DNMT1: variants seen among roughly 807,000 people sequenced by gnomAD.
DNMT1 encodes DNA methyltransferase 1.
A neutral mutation model predicts 205.3 loss-of-function variants in DNMT1; 24 were observed. That is an observed-to-expected ratio of 0.12 (90% CI 0.08 to 0.16). The LOEUF is 0.16. Ranked by LOEUF, DNMT1 falls within the 10% of genes least tolerant of loss-of-function variation. The pLI, the probability that DNMT1 is intolerant of heterozygous loss-of-function variation, is 1.00. For synonymous variants in DNMT1, 817 were observed against 839.8 expected (o/e 0.97, Z 0.47); for missense variants, 1,293 against 2,177.7 (o/e 0.59, Z 8.09).
chr19:10,141,496 G>A, intron 30 of DNMT1: 1 of 421,490 alleles, frequency 2.4e-6, no homozygotes, highest in Non-Finnish European at 4.4e-6. Context: ...ATCCATGCCT[G>A]GGAGAACGTG....
rs566332317 is a variant in DNMT1, at chr19:10,186,356, C to T, written c.81-4279G>A. The stretch of plus-strand genomic sequence containing the variant: ...GGAGCTGGCGGGAGGGTAACTTTAG[C>T]GACATCCCTTCCCTGGTAAAACTGT... On this transcript the variant is annotated intron_variant, in intron 1 of 40. Coordinates refer to ENST00000359526, the MANE Select transcript of DNMT1 (RefSeq NM_001130823.3). 5.9e-5 allele frequency among the ~76,000 whole-genome samples: 9 copies of T among 152,176 alleles called. No homozygotes were observed. The South Asian group carries it at 1.2e-3, about 21-fold the overall frequency.
chr19:10,178,923 G>A (rs1274327369), intron 5 of DNMT1, among the ~76,000 whole-genome samples: 1 of 151,478 alleles, frequency 6.6e-6, no homozygotes, highest in Admixed American at 6.6e-5. Context: ...TCAGGAGATC[G>A]AAATCATCCT....
chr19:10,179,329 T>C, intron 5 of DNMT1, among the ~76,000 whole-genome samples: 1 of 151,986 alleles, frequency 6.6e-6, no homozygotes, highest in East Asian at 1.9e-4. Context: ...ACATTTTTTT[T>C]TTTTTGAGAC....
rs1057518774 is a variant in DNMT1 at position 10,148,886 on chromosome 19, G to C, written c.2718C>G (p.Phe906Leu). ...PKTQPTEDNK[F>L]KFCVSCARLA... ...CCGAGTCCAGCCCCAGTGCTCACTT[G>C]AACTTGTTGTCCTCTGTTGGCTGGG... The change falls in exon 27 of 41, where the codon TTC (phenylalanine) becomes TTG (leucine). Residue 906 changes from phenylalanine (F) to leucine (L), a missense_variant and splice_region_variant. This residue lies in a region of DNMT1 where 112 missense variants were observed against 116.6 expected (regional missense o/e 0.96). Coordinates refer to ENST00000359526, the MANE Select transcript of DNMT1 (RefSeq NM_001130823.3). The C allele has an allele frequency of 1.2e-6, 2 of 1,614,170 alleles. No homozygotes were observed. The highest frequency in any genetic ancestry group is 1.7e-6 in the Non-Finnish European group (2 of 1,180,016).
At chr19:10,181,942 A>C (rs2039054235) in intron 2 of DNMT1, 99 bp downstream of exon 2, 1 of 1,117,980 alleles carries the variant, frequency 8.9e-7, no homozygotes, top group Admixed American at 2.0e-5. Flanking sequence ...CCATGGGAAA[A>C]AATGCAAAAT....
At chr19:10,161,871 C>T (rs1411086458) in intron 13 of DNMT1, among the ~76,000 whole-genome samples, 1 of 152,138 alleles carries the variant, frequency 6.6e-6, no homozygotes, top group Admixed American at 6.6e-5. Context: ...GAGACAGAGT[C>T]TTGCTGTGTC....
At chr19:10,162,879 A>G (rs2038604241) in intron 12 of DNMT1, 131 bp from the exon 13 acceptor site, 11 of 956,584 alleles carry the variant, frequency 1.1e-5, no homozygotes, top group Admixed American at 6.3e-5. Flanking sequence ...CTATAGGCAC[A>G]CTGCCAGCTT....
At chr19:10,145,882 G>A (rs1438712422) in intron 28 of DNMT1, among the ~76,000 whole-genome samples, 1 of 152,038 alleles carries the variant, frequency 6.6e-6, no homozygotes, top group East Asian at 1.9e-4. Context: ...AGGATGGAGT[G>A]CAGTGGCATG....
intron 22 of DNMT1, among the ~76,000 whole-genome samples, chr19:10,152,197 A>C (rs1035620980): frequency 6.7e-6 from 1 of 150,262 alleles, no homozygotes; most frequent in Non-Finnish European, 1.5e-5. Context: ...AAAGGAAAAA[A>C]AAAGGGCAAA....
intron 17 of DNMT1, among the ~76,000 whole-genome samples, chr19:10,157,683 T>C (rs2038485717): frequency 6.6e-6 from 1 of 152,192 alleles, no homozygotes; most frequent in Admixed American, 6.5e-5. Context: ...AAACACTGCA[T>C]ACCTCCTGCG....
intron 9 of DNMT1, 34 bp downstream of exon 9, chr19:10,173,056 A>G: frequency 6.2e-7 from 1 of 1,612,674 alleles, no homozygotes; most frequent in South Asian, 1.1e-5. Context: ...GGATTAAGGG[A>G]GAATTAACAA....
At chr19:10,162,545 C>T (rs2038590250) in intron 13 of DNMT1, 122 bp downstream of exon 13, 2 of 1,017,670 alleles carry the variant, frequency 2.0e-6, no homozygotes. Context: ...GCTGGGATTA[C>T]AGGCGTGCGC....
In DNMT1 at chr19:10,137,729, G is replaced by A. The variant is rs2089518279; in HGVS notation, c.4293+103C>T. 2 of 1,461,722 alleles carry A rather than the reference G, an allele frequency of 1.4e-6. No homozygotes were observed. Among genetic ancestry groups the A allele is most frequent in the African/African-American group, 1.4e-5 (1 of 71,466 alleles). The allele number at this position is 1,461,722 out of a possible 1,614,324, so 90.5% of individuals were successfully genotyped here. On this transcript the variant is annotated intron_variant, in intron 36 of 40. Transcript: ENST00000359526. This position sits in a 1 kb window ranked among gnomAD's most constrained non-coding sequence, Gnocchi z 6.4. ...TGAGGACTCGGGAGGAGGAGCCTGG[G>A]ATCAGATTCCATGTCTCCCCTGAGT...
At position 10,159,671 on chromosome 19, in the gene DNMT1, G is replaced by T; in HGVS notation, c.1267C>A (p.Leu423Met). The change falls in exon 17 of 41, where the codon CTG becomes ATG. Residue 423 changes from leucine (L) to methionine (M), a missense_variant. Physicochemically the swap from Leu to Met is conservative, Grantham distance 15. Around this residue, in one of 13 missense-constraint regions of DNMT1, gnomAD observed 120 missense variants for 315.9 expected, o/e 0.38. Coordinates refer to ENST00000359526, the MANE Select transcript of DNMT1 (RefSeq NM_001130823.3). This position sits in a 1 kb window ranked among gnomAD's most constrained non-coding sequence, Gnocchi z 5.0. ...ESYEALPQHKLTCFSVYCKHG... is the reference protein window; with the variant it reads ...ESYEALPQHKMTCFSVYCKHG... Reference sequence around the variant, plus strand: ...AAGTGCACTTACCTGAAGCAGGTCAGTTTGTGCTGGGGAAGCGCCTCATAA... The same window carrying T: ...AAGTGCACTTACCTGAAGCAGGTCATTTTGTGCTGGGGAAGCGCCTCATAA... The T allele has an allele frequency of 6.2e-7, 1 of 1,614,222 alleles. No individual in the cohort carries two copies. Among genetic ancestry groups the T allele is most frequent in the Non-Finnish European group, 8.5e-7 (1 of 1,180,042 alleles).
chr19:10,173,031 A>C, intron 9 of DNMT1, 59 bp downstream of exon 9: 1 of 1,599,694 alleles, frequency 6.3e-7, no homozygotes, highest in African/African-American at 1.3e-5. Context: ...CCTGGAAGGA[A>C]ATTGGGACCA....
Position 10,137,853 on chromosome 19 carries a change from G to T in DNMT1, c.4272C>A (p.Ile1424=), listed in dbSNP as rs1371570796. ...TTACCTTACAGATGTGGTCCCTGAG[G>T]ATGGGCTGGTACTGTGCGCCCCGGA... The part of the protein sequence containing the change: ...RQLRGAQYQP[I]LRDHICKDMS... Residue 1424 remains isoleucine (I), a synonymous_variant, in exon 36 of 41, where the codon ATC becomes ATA. Coordinates refer to ENST00000359526, the MANE Select transcript of DNMT1 (RefSeq NM_001130823.3). This position sits in a 1 kb window ranked among gnomAD's most constrained non-coding sequence, Gnocchi z 6.4. 15 of 1,613,528 alleles carry T rather than the reference G, an allele frequency of 9.3e-6. No homozygotes were observed. The highest frequency in any genetic ancestry group is 1.3e-5 in the Non-Finnish European group (15 of 1,179,938).
In DNMT1 at chr19:10,133,794, C is replaced by T. The variant is rs2089422197; in HGVS notation, c.4865-93G>A. 1 of 1,328,816 alleles carries T rather than the reference C, an allele frequency of 7.5e-7. No homozygotes were observed. The highest frequency in any genetic ancestry group is 1.1e-6 in the Non-Finnish European group (1 of 944,196). The allele number at this position is 1,328,816 out of a possible 1,614,324, so 82.3% of individuals were successfully genotyped here. A position where few individuals can be genotyped will look rare whatever the true frequency, so the allele number is the denominator to read the frequency against. On this transcript the variant is annotated intron_variant, in intron 40 of 40. Transcript: ENST00000359526. This position sits in a 1 kb window ranked among gnomAD's most constrained non-coding sequence, Gnocchi z 4.1. ...GTAACAGACATGGACCATCAGGAAA[C>T]ATTAACGTACTGATGTTAACAGCTG...
At chr19:10,142,866 C>T in intron 29 of DNMT1, 1 of 158,396 alleles carries the variant, frequency 6.3e-6, no homozygotes, top group Admixed American at 5.9e-5. Flanking sequence ...CCCTGCCCTG[C>T]TGTGTCCGCC....
chr19:10,185,083 T>C (rs192458451), intron 1 of DNMT1, among the ~76,000 whole-genome samples: 5 of 152,292 alleles, frequency 3.3e-5, no homozygotes, highest in Admixed American at 1.3e-4. Flanking sequence ...TGATTAGATG[T>C]AGGTGTCACT....
Sources: allele counts gnomAD v4.1 joint callset (sites outside exome capture counted in the v4.1 genomes callset), GRCh38; gene constraint gnomAD v4.1.1; regional missense constraint gnomAD v4.1.1; non-coding constraint Gnocchi (gnomAD v3.1); transcripts MANE v1.5; gene names NCBI Gene and HGNC (gene_info 2026-07-23, HGNC 2026-07-21).